MYOF: variants seen among roughly 807,000 people sequenced by gnomAD.
MYOF encodes myoferlin.
A neutral mutation model predicts 284.2 loss-of-function variants in MYOF; 244 were observed. The observed-to-expected ratio is 0.86, with a 90% CI of 0.77 to 0.95. The LOEUF (loss-of-function observed/expected upper bound fraction) is 0.95. MYOF is among the 40% of genes least tolerant of loss of function. The probability of loss-of-function intolerance (pLI) is 0.00; values close to 1 mark genes in which losing one functional copy is unlikely to be tolerated. For synonymous variants in MYOF, 904 were observed against 919.7 expected (o/e 0.98, Z 0.31); for missense variants, 2,496 against 2,560.6 (o/e 0.97, Z 0.54).
At chr10:93,406,354 G>A (rs186988185) in intron 7 of MYOF, among the ~76,000 whole-genome samples, 20 of 119,332 alleles carry the variant, frequency 1.7e-4, no homozygotes, top group East Asian at 5.9e-4. Context: ...CTCCTATCCC[G>A]TAAAATTTTT....
At chr10:93,320,165 T>A (rs78775273) in intron 48 of MYOF, 152 bp from the exon 49 acceptor site, 2 of 894,190 alleles carry the variant, frequency 2.2e-6, no homozygotes, top group Admixed American at 5.0e-5. Flanking sequence ...GGGTGATTTA[T>A]GGAGGGGAGG....
intron 27 of MYOF, 115 bp downstream of exon 27, chr10:93,363,846 A>T (rs920441150): frequency 1.3e-6 from 1 of 757,810 alleles, no homozygotes; most frequent in Non-Finnish European, 2.2e-6. Flanking sequence ...GACTCTTCAG[A>T]ACATAAGATG....
At chr10:93,363,777 T>C (rs150714236) in intron 27 of MYOF, among the ~76,000 whole-genome samples, 184 bp downstream of exon 27, 25 of 152,386 alleles carry the variant, frequency 1.6e-4, no homozygotes, top group African/African-American at 6.0e-4. Context: ...ATAGGCCTCA[T>C]TTCTATTCTA....
intron 28 of MYOF, among the ~76,000 whole-genome samples, chr10:93,360,330 AGCATC>A (rs1382213380): frequency 6.6e-6 from 1 of 152,246 alleles, no homozygotes; most frequent in Non-Finnish European, 1.5e-5. Flanking sequence ...TTCAAATCCT[AGCATC>A]GCCACATGTT....
chr10:93,431,937 G>C (rs892979108), intron 3 of MYOF, among the ~76,000 whole-genome samples: 3 of 151,828 alleles, frequency 2.0e-5, no homozygotes, highest in African/African-American at 7.3e-5. Context: ...CTAGAGATGG[G>C]GTTTCGCCAT....
At chr10:93,465,542 T>TCTTTC in intron 1 of MYOF, among the ~76,000 whole-genome samples, 1 of 135,384 alleles carries the variant, frequency 7.4e-6, no homozygotes, top group Non-Finnish European at 1.6e-5. Context: ...TCTTTTCTTT[T>TCTTTC]TTTTTTTTTT....
chr10:93,407,777 AAAAC>A lies in MYOF; in HGVS notation c.729+1006_729+1009del, dbSNP rs550526102. On this transcript the variant is annotated intron_variant, in intron 7 of 53. Coordinates refer to ENST00000359263, the MANE Select transcript of MYOF (RefSeq NM_013451.4). ...AAAAAAATTTATCAGTATGGGGGGC[AAAAC>A]AAACAAAGCCCCTGTGTGCTAATAA... Among the ~76,000 whole-genome samples, 224 of 151,866 alleles carry A rather than the reference AAAAC, an allele frequency of 1.5e-3. 1 individual carries two copies. Among genetic ancestry groups the A allele is most frequent in the African/African-American group, 4.8e-3 (199 of 41,370 alleles).
At chr10:93,308,911 T>A (rs1411592834) in intron 53 of MYOF, among the ~76,000 whole-genome samples, 1 of 152,090 alleles carries the variant, frequency 6.6e-6, no homozygotes, top group Non-Finnish European at 1.5e-5. Flanking sequence ...GGGGTTTCGC[T>A]ATGTTGGCCA....
intron 14 of MYOF, 21 bp downstream of exon 14, chr10:93,397,366 CA>C (rs1564682612): frequency 1.9e-6 from 3 of 1,602,536 alleles, no homozygotes; most frequent in Non-Finnish European, 2.6e-6. Context: ...CTTACTTTTT[CA>C]GAAAGAAAAT....
rs543645804 is a variant in MYOF, at chr10:93,408,931, G to C, written c.601-16C>G. 6.3e-5 allele frequency: 102 copies of C among 1,613,422 alleles called. No individual in the cohort carries two copies. Among genetic ancestry groups the C allele is most frequent in the East Asian group, 3.1e-4 (14 of 44,880 alleles). ...GGACGCGGATCTGCAGCACAGAAGG[G>C]GGATGGTTACCCAACCTTTCCCAGC... On this transcript the variant is annotated splice_polypyrimidine_tract_variant and intron_variant, in intron 6 of 53. Coordinates refer to ENST00000359263, the MANE Select transcript of MYOF (RefSeq NM_013451.4).
chr10:93,325,768 T>A, intron 46 of MYOF, 58 bp downstream of exon 46: 1 of 1,543,670 alleles, frequency 6.5e-7, no homozygotes, highest in Non-Finnish European at 8.7e-7. Context: ...AAATGTCAAC[T>A]ACTGCCATTG....
At chr10:93,310,260 C>T in intron 52 of MYOF, 93 bp from the exon 53 acceptor site, 1 of 1,469,262 alleles carries the variant, frequency 6.8e-7, no homozygotes, top group Non-Finnish European at 9.4e-7. Flanking sequence ...TAAAGAATCA[C>T]ATTAATAAGG....
chr10:93,456,212 T>A (rs1382605169), intron 2 of MYOF, among the ~76,000 whole-genome samples: 1 of 152,212 alleles, frequency 6.6e-6, no homozygotes, highest in African/African-American at 2.4e-5. Context: ...CAAGAAAGTG[T>A]AGGAGAGGAA....
intron 1 of MYOF, among the ~76,000 whole-genome samples, chr10:93,469,865 G>A (rs1358789516): frequency 6.6e-6 from 1 of 152,134 alleles, no homozygotes; most frequent in Non-Finnish European, 1.5e-5. Context: ...CACTCTACCC[G>A]AGACTCAGTT....
intron 5 of MYOF, among the ~76,000 whole-genome samples, chr10:93,422,376 G>A (rs1848389650): frequency 6.6e-6 from 1 of 152,196 alleles, no homozygotes; most frequent in Admixed American, 6.5e-5. Flanking sequence ...GACTCCTAAG[G>A]GGATGGTGGA....
chr10:93,322,084 T>C lies in MYOF; in HGVS notation c.5456+994A>G, dbSNP rs143937431. ...TGAGATTAGTTTCCCTAGAGAATGGTAATGAGATCCAAAAATAATAATGAA... is the reference window on the plus strand; with the variant it reads ...TGAGATTAGTTTCCCTAGAGAATGGCAATGAGATCCAAAAATAATAATGAA... On this transcript the variant is annotated intron_variant, in intron 48 of 53. Coordinates refer to ENST00000359263, the MANE Select transcript of MYOF (RefSeq NM_013451.4). Among the ~76,000 whole-genome samples, 568 of 152,278 alleles carry C rather than the reference T, an allele frequency of 3.7e-3. 2 individuals carry two copies. Among genetic ancestry groups the C allele is most frequent in the Non-Finnish European group, 6.0e-3 (409 of 68,026 alleles).
intron 12 of MYOF, among the ~76,000 whole-genome samples, 181 bp downstream of exon 12, chr10:93,401,237 G>A (rs1039965191): frequency 2.6e-5 from 4 of 152,192 alleles, no homozygotes; most frequent in African/African-American, 9.7e-5. Flanking sequence ...CCAACTAGCT[G>A]TGCCATGAGC....
chr10:93,391,331 C>T (rs1317386863), intron 17 of MYOF, among the ~76,000 whole-genome samples: 2 of 152,182 alleles, frequency 1.3e-5, no homozygotes, highest in African/African-American at 4.8e-5. Context: ...TGGCTCACGC[C>T]TGTAATCCCA....
chr10:93,475,635 T>A (rs2057242606), intron 1 of MYOF, among the ~76,000 whole-genome samples: 1 of 152,226 alleles, frequency 6.6e-6, no homozygotes, highest in South Asian at 2.1e-4. Context: ...ACATGCTCAA[T>A]ATTTAAAATG....
Sources: allele counts gnomAD v4.1 joint callset (sites outside exome capture counted in the v4.1 genomes callset), GRCh38; gene constraint gnomAD v4.1.1; transcripts MANE v1.5; gene names NCBI Gene and HGNC (gene_info 2026-07-23, HGNC 2026-07-21).